DNAJC1: variants seen among roughly 807,000 people sequenced by gnomAD.
DNAJC1 encodes the protein dnaJ homolog subfamily C member 1.
In DNAJC1, 58 loss-of-function variants were observed where a neutral mutation model predicts 76.6. The ratio of observed to expected loss-of-function variants is 0.76; its 90% CI spans 0.61 to 0.94. The LOEUF is 0.94. Among genes scored for constraint, DNAJC1 ranks in the 40% least tolerant of loss-of-function variants. The pLI is 0.00. For missense variants in DNAJC1, 689 were observed against 677.3 expected, an observed-to-expected ratio of 1.02 and a Z score of -0.19; for synonymous variants, 258 against 267.9, an observed-to-expected ratio of 0.96 and a Z score of 0.36.
In DNAJC1 at chr10:21,864,956, A is replaced by G. The variant is rs115171243; in HGVS notation, c.978+17326T>C. Among the ~76,000 whole-genome samples, 959 of 152,240 alleles carry G rather than the reference A, an allele frequency of 6.3e-3. 23 individuals carry two copies. The highest frequency in any genetic ancestry group is 0.022 in the African/African-American group (899 of 41,482). ...AACATGATATTCAAATGGAAAACAC[A>G]TGAAAAGATGCTCGGCATTATTAAT... On this transcript the variant is annotated intron_variant, in intron 8 of 11. Transcript: ENST00000376980.
intron 8 of DNAJC1, among the ~76,000 whole-genome samples, chr10:21,807,708 A>T (rs572081598): frequency 6.7e-6 from 1 of 150,050 alleles, no homozygotes; most frequent in South Asian, 2.1e-4. Context: ...ATCCACTAAG[A>T]GCTGAAAGCC....
chr10:21,759,006 C>G (rs777780603), intron 11 of DNAJC1, among the ~76,000 whole-genome samples, 164 bp downstream of exon 11: 1 of 152,176 alleles, frequency 6.6e-6, no homozygotes. Flanking sequence ...TGCACAGATT[C>G]ACACGCTCTA....
intron 8 of DNAJC1, among the ~76,000 whole-genome samples, chr10:21,853,590 T>C (rs1308714281): frequency 1.3e-5 from 2 of 151,886 alleles, no homozygotes; most frequent in African/African-American, 4.8e-5. Flanking sequence ...TTAAAAACTG[T>C]CACTGACAGC....
At chr10:21,828,244 T>C (rs1049514257) in intron 8 of DNAJC1, among the ~76,000 whole-genome samples, 1 of 152,196 alleles carries the variant, frequency 6.6e-6, no homozygotes, top group African/African-American at 2.4e-5. Flanking sequence ...TGCAGCCAGA[T>C]CACTTATATC....
intron 9 of DNAJC1, among the ~76,000 whole-genome samples, chr10:21,783,762 T>C (rs1834566782): frequency 6.6e-6 from 1 of 152,110 alleles, no homozygotes; most frequent in South Asian, 2.1e-4. Context: ...TCTACAACCA[T>C]CTGATCTTTG....
intron 10 of DNAJC1, among the ~76,000 whole-genome samples, chr10:21,765,789 A>C (rs1454086348): frequency 1.3e-5 from 2 of 152,180 alleles, no homozygotes; most frequent in Non-Finnish European, 2.9e-5. Flanking sequence ...GGTTGCAGTG[A>C]GCCGAGATTG....
intron 9 of DNAJC1, among the ~76,000 whole-genome samples, chr10:21,800,628 G>C (rs759916274): frequency 7.9e-5 from 12 of 152,176 alleles, no homozygotes; most frequent in Admixed American, 6.5e-5. Flanking sequence ...TTATTGCCAT[G>C]AAAGATGCTC....
intron 4 of DNAJC1, chr10:21,920,574 A>G (rs540691597): frequency 5.7e-6 from 2 of 348,066 alleles, no homozygotes; most frequent in Non-Finnish European, 1.0e-5. Context: ...GGGCTTTCAC[A>G]AAGTTTTATA....
chr10:21,761,428 A>G (rs1834239085), intron 10 of DNAJC1, among the ~76,000 whole-genome samples: 1 of 151,734 alleles, frequency 6.6e-6, no homozygotes, highest in South Asian at 2.1e-4. Flanking sequence ...GTGTGGTGGC[A>G]CGTGCCTGTA....
intron 9 of DNAJC1, among the ~76,000 whole-genome samples, chr10:21,781,481 G>A (rs1381998567): frequency 6.6e-6 from 1 of 152,160 alleles, no homozygotes; most frequent in East Asian, 1.9e-4. Context: ...CAGCACTTTG[G>A]GAGGCAGAGG....
intron 8 of DNAJC1, among the ~76,000 whole-genome samples, chr10:21,823,632 A>G (rs1190724853): frequency 6.6e-6 from 1 of 152,096 alleles, no homozygotes; most frequent in Non-Finnish European, 1.5e-5. Context: ...TTACTTACAT[A>G]TAAACCAAGG....
At chr10:21,909,632 T>C (rs1344043317) in intron 6 of DNAJC1, among the ~76,000 whole-genome samples, 1 of 152,246 alleles carries the variant, frequency 6.6e-6, no homozygotes, top group East Asian at 1.9e-4. Context: ...TCTGTTTCCC[T>C]ATATTCCGCT....
intron 1 of DNAJC1, among the ~76,000 whole-genome samples, chr10:21,962,958 G>A (rs1206061610): frequency 6.6e-6 from 1 of 152,012 alleles, no homozygotes; most frequent in East Asian, 1.9e-4. Context: ...ACTGATATAA[G>A]AATTAGAATA....
intron 8 of DNAJC1, among the ~76,000 whole-genome samples, chr10:21,859,354 T>A (rs865970079): frequency 6.6e-6 from 1 of 152,200 alleles, no homozygotes; most frequent in Non-Finnish European, 1.5e-5. Flanking sequence ...CAAACTCCTA[T>A]GTAAAATGAA....
In DNAJC1 at chr10:21,813,149, T is replaced by C. The variant is rs1166526094; in HGVS notation, c.979-7050A>G. On this transcript the variant is annotated intron_variant, in intron 8 of 11. Coordinates refer to ENST00000376980, the MANE Select transcript of DNAJC1 (RefSeq NM_022365.4). ...CTGCCTTGCTCTTTCTTGGGTTACT[T>C]GTCTCTCTCTCTCTCTCTCTCTCTC... Among the ~76,000 whole-genome samples the C allele has an allele frequency of 2.6e-5, 3 of 116,268 alleles. 1 individual carries two copies. Among genetic ancestry groups the C allele is most frequent in the African/African-American group, 1.1e-4 (3 of 27,896 alleles). The allele number at this position is 116,268 out of a possible 152,430, so 76.3% of individuals were successfully genotyped here.
intron 8 of DNAJC1, among the ~76,000 whole-genome samples, chr10:21,833,951 A>T (rs1018904531): frequency 6.6e-6 from 1 of 152,274 alleles, no homozygotes; most frequent in Non-Finnish European, 1.5e-5. Context: ...AAGTTTGTAA[A>T]AAAAAATACT....
At chr10:21,824,917 G>C (rs1261185550) in intron 8 of DNAJC1, among the ~76,000 whole-genome samples, 3 of 152,034 alleles carry the variant, frequency 2.0e-5, no homozygotes, top group Admixed American at 6.6e-5. Context: ...TGGGATTATA[G>C]GTGCCCACCA....
At chr10:21,822,171 GCACAGTGGCTCA>G (rs1448461223) in intron 8 of DNAJC1, among the ~76,000 whole-genome samples, 1 of 152,112 alleles carries the variant, frequency 6.6e-6, no homozygotes, top group African/African-American at 2.4e-5. Flanking sequence ...AACTGGCAGG[GCACAGTGGCTCA>G]CACCCATAAT....
At chr10:21,918,007 C>A (rs1836981724) in intron 6 of DNAJC1, among the ~76,000 whole-genome samples, 1 of 151,898 alleles carries the variant, frequency 6.6e-6, no homozygotes, top group Non-Finnish European at 1.5e-5. Context: ...AGATTATAAA[C>A]ACTTATTTTC....
Sources: allele counts gnomAD v4.1 joint callset (sites outside exome capture counted in the v4.1 genomes callset), GRCh38; gene constraint gnomAD v4.1.1; transcripts MANE v1.5; gene names NCBI Gene and HGNC (gene_info 2026-07-23, HGNC 2026-07-21).